Variants in PIGU observed in about 807,000 individuals in gnomAD.
The protein encoded by PIGU is phosphatidylinositol glycan anchor biosynthesis class U, also known as GPI-anchor transamidase component PIGU.
Under a neutral mutation model 49.9 loss-of-function variants are expected in PIGU, and 24 were observed. The ratio of observed to expected loss-of-function variants is 0.48; its 90% CI spans 0.35 to 0.68. The LOEUF is 0.68. Ranked by LOEUF, PIGU falls within the 30% of genes least tolerant of loss-of-function variation. The probability of loss-of-function intolerance (pLI) is 0.01; values close to 1 mark genes in which losing one functional copy is unlikely to be tolerated. For missense variants in PIGU, 490 were observed against 532.6 expected (o/e 0.92, Z 0.79); for synonymous variants, 220 against 205.7 (o/e 1.07, Z -0.59).
intron 1 of PIGU, among the ~76,000 whole-genome samples, chr20:34,659,075 T>G (rs1600667550): frequency 9.5e-6 from 1 of 105,094 alleles, no homozygotes; most frequent in Non-Finnish European, 1.9e-5. Context: ...GGGAGGGAGG[T>G]GGGGGGGTCA....
At chr20:34,590,055 T>C (rs1161729437) in intron 7 of PIGU, among the ~76,000 whole-genome samples, 2 of 151,656 alleles carry the variant, frequency 1.3e-5, no homozygotes, top group African/African-American at 4.8e-5. Context: ...GCTATCATTA[T>C]ACATTTTCTA....
At chr20:34,584,934 C>T (rs1044667813) in intron 9 of PIGU, among the ~76,000 whole-genome samples, 5 of 152,206 alleles carry the variant, frequency 3.3e-5, no homozygotes, top group Non-Finnish European at 5.9e-5. Context: ...GTGATCCACT[C>T]GCCTTGGCCT....
At chr20:34,602,888 A>G (rs1324610251) in intron 7 of PIGU, among the ~76,000 whole-genome samples, 1 of 152,098 alleles carries the variant, frequency 6.6e-6, no homozygotes, top group Non-Finnish European at 1.5e-5. Context: ...CTTTGGTAAT[A>G]ATCACTTCCT....
rs558516526 is a variant in PIGU at position 34,674,268 on chromosome 20, C to T, written c.130+2688G>A. Among the ~76,000 whole-genome samples, 7 of 150,564 alleles carry T rather than the reference C, an allele frequency of 4.6e-5. No individual in the cohort carries two copies. In the South Asian group the frequency reaches 1.5e-3, roughly 32 times the overall value. ...TACCCAAGAGGCTGAGACGAGATAA[C>T]AGCCTGAACCTGGGAGGCGGAGGTT... On this transcript the variant is annotated intron_variant, in intron 1 of 11. Coordinates refer to ENST00000217446, the MANE Select transcript of PIGU (RefSeq NM_080476.5).
At chr20:34,623,511 A>T (rs1985332454) in intron 6 of PIGU, among the ~76,000 whole-genome samples, 1 of 152,178 alleles carries the variant, frequency 6.6e-6, no homozygotes, top group Non-Finnish European at 1.5e-5. Flanking sequence ...TTTACAGATA[A>T]TGAAACTGAA....
chr20:34,675,695 C>T (rs1987476359), intron 1 of PIGU, among the ~76,000 whole-genome samples: 1 of 152,106 alleles, frequency 6.6e-6, no homozygotes, highest in Non-Finnish European at 1.5e-5. Context: ...GTTCCCCATA[C>T]CAACATTCTA....
At chr20:34,630,609 G>C (rs1215142493) in intron 6 of PIGU, among the ~76,000 whole-genome samples, 1 of 152,048 alleles carries the variant, frequency 6.6e-6, no homozygotes, top group Middle Eastern at 3.2e-3. Flanking sequence ...GCCCATGCAC[G>C]GAGTCTCCAG....
At chr20:34,615,165 T>C (rs189706363) in intron 7 of PIGU, among the ~76,000 whole-genome samples, 2 of 152,376 alleles carry the variant, frequency 1.3e-5, no homozygotes, top group African/African-American at 4.8e-5. Context: ...AATATTTGGC[T>C]AATAATATGA....
At chr20:34,610,887 T>A (rs1248512073) in intron 7 of PIGU, among the ~76,000 whole-genome samples, 2 of 152,100 alleles carry the variant, frequency 1.3e-5, no homozygotes, top group Admixed American at 6.5e-5. Context: ...AACAGAGGCC[T>A]CAGAAATAAT....
At chr20:34,659,039 CCTCTG>C in intron 1 of PIGU, among the ~76,000 whole-genome samples, 1 of 146,954 alleles carries the variant, frequency 6.8e-6, no homozygotes, top group Non-Finnish European at 1.5e-5. Context: ...GTGAGGAGCC[CCTCTG>C]CCCGGCCAGC....
At chr20:34,615,770 G>A (rs956958252) in intron 7 of PIGU, among the ~76,000 whole-genome samples, 3 of 152,116 alleles carry the variant, frequency 2.0e-5, no homozygotes, top group Non-Finnish European at 4.4e-5. Context: ...CATAGTATAC[G>A]TAGGGTTCAG....
chr20:34,563,525 T>G (rs1386777361), intron 11 of PIGU, among the ~76,000 whole-genome samples: 2 of 149,556 alleles, frequency 1.3e-5, no homozygotes, highest in Non-Finnish European at 3.0e-5. Context: ...CACTCCAGCC[T>G]AGGCAACAAG....
chr20:34,589,338 A>T (rs1399365123), intron 7 of PIGU, among the ~76,000 whole-genome samples: 1 of 152,146 alleles, frequency 6.6e-6, no homozygotes, highest in Non-Finnish European at 1.5e-5. Context: ...AATTTGGGTT[A>T]AAAAAACTTC....
chr20:34,677,015 A>G lies in PIGU; in HGVS notation c.71T>C (p.Leu24Pro). Residue 24 changes from leucine to proline, a missense_variant, in exon 1 of 12, where the codon CTG (leucine) becomes CCG (proline). Physicochemically the swap from Leu to Pro is moderately conservative, Grantham distance 98 (BLOSUM62 -3). Transcript: ENST00000217446. ...TVRAALFRSS[L>P]AEFISERVEV... ...CACCCGCTCGGAAATGAACTCGGCC[A>G]GACTGGAGCGGAACAAGGCCGCCCG... 6.3e-7 allele frequency: 1 copy of G among 1,584,310 alleles called. No individual in the cohort carries two copies.
intron 9 of PIGU, 140 bp downstream of exon 9, chr20:34,585,297 C>A: frequency 1.9e-6 from 2 of 1,050,404 alleles, no homozygotes; most frequent in Non-Finnish European, 2.8e-6. Flanking sequence ...ACTGCGGCAA[C>A]TGAAGGCAGG....
chr20:34,581,668 G>T lies in PIGU; in HGVS notation c.931C>A (p.His311Asn). Reference protein sequence around the residue: ...TIPLAIKLKEHPIFFMFIQIA... With the variant: ...TIPLAIKLKENPIFFMFIQIA... ...TGGATAAACATGAAGAAGATGGGGT[G>T]CTCCCTGGGGCAGGGCAGGGGAAAG... The change falls in exon 10 of 12, where the codon CAC (histidine) becomes AAC (asparagine). Residue 311 changes from histidine (H) to asparagine (N), a missense_variant. Transcript: ENST00000217446. The T allele has an allele frequency of 6.2e-7, 1 of 1,609,250 alleles. No homozygotes were observed.
chr20:34,659,432 G>T (rs1444362814), intron 1 of PIGU, among the ~76,000 whole-genome samples: 8 of 147,926 alleles, frequency 5.4e-5, no homozygotes, highest in Non-Finnish European at 8.9e-5. Context: ...GGAGGTGGGG[G>T]GGTCAGCCCC....
At chr20:34,675,269 AGAGAG>A (rs1305506967) in intron 1 of PIGU, among the ~76,000 whole-genome samples, 2 of 95,172 alleles carry the variant, frequency 2.1e-5, no homozygotes, top group Non-Finnish European at 4.3e-5. Flanking sequence ...AAAAAAAAAA[AGAGAG>A]AGAGAGAAAA....
intron 7 of PIGU, among the ~76,000 whole-genome samples, chr20:34,597,143 G>T (rs1268047245): frequency 1.3e-5 from 2 of 152,130 alleles, no homozygotes; most frequent in Non-Finnish European, 2.9e-5. Flanking sequence ...GCTAGGTACT[G>T]CTCAAGAGAA....
Sources: gnomAD v4.1 joint callset for allele counts (sites outside exome capture counted in the v4.1 genomes callset) on GRCh38, gnomAD v4.1.1 for gene constraint, MANE v1.5 for transcripts, NCBI Gene and HGNC (gene_info 2026-07-23, HGNC 2026-07-21) for gene names.